The following CDH18 variants were observed in gnomAD, a reference collection of about 807,000 sequenced individuals.
The protein encoded by CDH18 is cadherin-18.
Under a neutral mutation model 67.9 loss-of-function variants are expected in CDH18, and 31 were observed. The observed-to-expected ratio is 0.46, with a 90% CI of 0.34 to 0.62. The LOEUF (loss-of-function observed/expected upper bound fraction) is 0.62, where lower values mean the gene tolerates loss of function less well. CDH18 is among the 20% of genes least tolerant of loss of function. CDH18 has a pLI of 0.01. For synonymous variants in CDH18, 362 were observed against 347.2 expected (o/e 1.04, Z -0.48); for missense variants, 890 against 975.5 (o/e 0.91, Z 1.17).
chr5:19,541,150 A>T (rs1374867214), intron 9 of CDH18, among the ~76,000 whole-genome samples: 1 of 152,126 alleles, frequency 6.6e-6, no homozygotes, highest in Non-Finnish European at 1.5e-5. Flanking sequence ...GCTAAGGTAC[A>T]ATAAGAGTCA....
Position 20,005,415 on chromosome 5 carries a change from TACACACACAC to T in CDH18, c.-517-13411_-517-13402del, listed in dbSNP as rs3065076. On this transcript the variant is annotated intron_variant, in intron 2 of 14. Coordinates refer to the CDH18 transcript ENST00000507958. ...TATAAACAAAGTATATATATATATG[TACACACACAC>T]ACACACACACACACACACACACACT... Among the ~76,000 whole-genome samples, 883 of 147,182 alleles carry T rather than the reference TACACACACAC, an allele frequency of 6.0e-3. 6 individuals are homozygous for T. Among genetic ancestry groups the T allele is most frequent in the Non-Finnish European group, 8.5e-3 (566 of 66,528 alleles).
chr5:20,023,673 AAAAAAG>A (rs1380379553), intron 2 of CDH18, among the ~76,000 whole-genome samples: 11 of 151,994 alleles, frequency 7.2e-5, no homozygotes, highest in Admixed American at 7.2e-4. Flanking sequence ...AAAAAAAAAA[AAAAAAG>A]AAAGGTATTT....
At chr5:19,630,128 G>A (rs1484883038) in intron 5 of CDH18, among the ~76,000 whole-genome samples, 5 of 151,926 alleles carry the variant, frequency 3.3e-5, no homozygotes, top group African/African-American at 1.2e-4. Flanking sequence ...TTTTAGTAGA[G>A]ACAGGGTTTC....
In CDH18 at chr5:19,901,888, A is replaced by C. The variant is rs144309781; in HGVS notation, c.-256-62646T>G. On this transcript the variant is annotated intron_variant, in intron 2 of 12. Coordinates refer to ENST00000382275, the MANE Select transcript of CDH18 (RefSeq NM_004934.5). The stretch of plus-strand genomic sequence containing the variant: ...TCTCAGCATCTCATTCAATAACTAA[A>C]TAAATAATAATAGAATTATTTTAAT... Among the ~76,000 whole-genome samples, 730 of 151,720 alleles carry C rather than the reference A, an allele frequency of 4.8e-3. 4 individuals carry two copies. Among genetic ancestry groups the C allele is most frequent in the African/African-American group, 0.017 (708 of 41,500 alleles).
At chr5:19,572,059 T>C (rs1011566853) in intron 7 of CDH18, among the ~76,000 whole-genome samples, 3 of 152,166 alleles carry the variant, frequency 2.0e-5, no homozygotes, top group Non-Finnish European at 2.9e-5. Context: ...TAATATGTAT[T>C]TGGTGTTATG....
chr5:19,512,968 T>G (rs773535843), intron 10 of CDH18, among the ~76,000 whole-genome samples: 8 of 152,098 alleles, frequency 5.3e-5, no homozygotes, highest in Non-Finnish European at 1.0e-4. Context: ...CTTTTACAAT[T>G]ACTGTCATGA....
At chr5:19,880,341 T>C (rs1051259113) in intron 2 of CDH18, among the ~76,000 whole-genome samples, 8 of 152,028 alleles carry the variant, frequency 5.3e-5, no homozygotes, top group African/African-American at 1.7e-4. Flanking sequence ...ACAAATACCA[T>C]TTACATATAC....
intron 5 of CDH18, among the ~76,000 whole-genome samples, chr5:19,620,763 T>C (rs1378447750): frequency 6.6e-6 from 1 of 151,866 alleles, no homozygotes; most frequent in Non-Finnish European, 1.5e-5. Flanking sequence ...TTTCAAAAGC[T>C]CTGTCTTTCT....
chr5:20,404,107 G>C (rs1746018575), intron 1 of CDH18, among the ~76,000 whole-genome samples: 1 of 152,134 alleles, frequency 6.6e-6, no homozygotes, highest in Non-Finnish European at 1.5e-5. Flanking sequence ...TTCTTCTGCT[G>C]CTTTCTCACC....
Position 19,507,912 on chromosome 5 carries a change from A to G in CDH18, c.1513-4803T>C, listed in dbSNP as rs141770916. On this transcript the variant is annotated intron_variant, in intron 10 of 12. Coordinates refer to ENST00000382275, the MANE Select transcript of CDH18 (RefSeq NM_004934.5). ...CTAGAACTTAAAGTATAATTTAAAA[A>G]AAAGAAGAGAGAAACTCCTAGTCTC... Among the ~76,000 whole-genome samples the G allele has an allele frequency of 4.6e-5, 7 of 152,302 alleles. No homozygotes were observed. In the East Asian group the frequency reaches 1.4e-3, roughly 29 times the overall value.
chr5:20,574,406 T>C (rs1759002403), intron 1 of CDH18, among the ~76,000 whole-genome samples: 1 of 151,912 alleles, frequency 6.6e-6, no homozygotes, highest in South Asian at 2.1e-4. Context: ...GTTCTTTGAT[T>C]AGAAGAGTGA....
chr5:19,859,989 G>GGGGTGTGTGTGTGTGTGT (rs143069229), intron 2 of CDH18, among the ~76,000 whole-genome samples: 179 of 143,242 alleles, frequency 1.2e-3, no homozygotes, highest in African/African-American at 4.4e-3. Context: ...GTTTGCTTTG[G>GGGGTGTGTGTGTGTGTGT]GTGTGTGTGT....
chr5:19,880,553 CAT>C (rs1787526300), intron 2 of CDH18, among the ~76,000 whole-genome samples: 1 of 152,078 alleles, frequency 6.6e-6, no homozygotes, highest in Non-Finnish European at 1.5e-5. Flanking sequence ...GGTTGATACA[CAT>C]GTGTACAAGA....
intron 2 of CDH18, among the ~76,000 whole-genome samples, chr5:19,932,226 C>T (rs995827893): frequency 2.0e-5 from 3 of 151,766 alleles, no homozygotes; most frequent in Admixed American, 1.3e-4. Flanking sequence ...CACAAGCCCA[C>T]ACTACTGGAA....
chr5:20,016,271 T>C (rs1417922929), intron 2 of CDH18, among the ~76,000 whole-genome samples: 1 of 151,778 alleles, frequency 6.6e-6, no homozygotes, highest in Non-Finnish European at 1.5e-5. Context: ...TGGGAACAAG[T>C]GGTCACAAAA....
At chr5:20,148,213 T>C (rs1750814083) in intron 2 of CDH18, among the ~76,000 whole-genome samples, 1 of 151,820 alleles carries the variant, frequency 6.6e-6, no homozygotes, top group Admixed American at 6.6e-5. Context: ...TGCCTCAGCC[T>C]CCCGAGTAGC....
intron 2 of CDH18, among the ~76,000 whole-genome samples, chr5:19,958,379 C>CAAAAAAAAAAAAAAAA (rs57913629): frequency 3.0e-5 from 2 of 66,632 alleles, no homozygotes; most frequent in African/African-American, 1.1e-4. Context: ...TTTCCTTCAC[C>CAAAAAAAAAAAAAAAA]AAAAAAAAAA....
intron 1 of CDH18, among the ~76,000 whole-genome samples, chr5:20,539,222 A>G (rs1298953189): frequency 6.6e-6 from 1 of 152,104 alleles, no homozygotes; most frequent in Non-Finnish European, 1.5e-5. Flanking sequence ...CCTATGTCAC[A>G]GGGATAGGAA....
intron 2 of CDH18, among the ~76,000 whole-genome samples, chr5:19,944,925 G>A (rs980454639): frequency 1.3e-5 from 2 of 152,066 alleles, no homozygotes; most frequent in Non-Finnish European, 2.9e-5. Context: ...TTTGAATTGG[G>A]CACCAGGGAG....
Sources: allele counts gnomAD v4.1 joint callset (sites outside exome capture counted in the v4.1 genomes callset), GRCh38; gene constraint gnomAD v4.1.1; transcripts MANE v1.5; gene names NCBI Gene and HGNC (gene_info 2026-07-23, HGNC 2026-07-21).